SGCD: variants seen among roughly 807,000 people sequenced by gnomAD.
The protein encoded by SGCD is sarcoglycan delta, also known as delta-sarcoglycan.
Under a neutral mutation model 36.6 loss-of-function variants are expected in SGCD, and 18 were observed. That is an observed-to-expected ratio of 0.49 (90% confidence interval 0.34 to 0.73). The LOEUF (loss-of-function observed/expected upper bound fraction) is 0.73. Among genes scored for constraint, SGCD ranks in the 30% least tolerant of loss-of-function variants. The pLI is 0.01. For missense variants in SGCD, 387 were observed against 346.7 expected, an observed-to-expected ratio of 1.12 and a Z score of -0.92; for synonymous variants, 133 against 130.6, an observed-to-expected ratio of 1.02 and a Z score of -0.12.
chr5:156,329,705 A>C, intron 2 of SGCD, 126 bp downstream of exon 2: 1 of 872,100 alleles, frequency 1.1e-6, no homozygotes. Flanking sequence ...ACATTTCTTT[A>C]ATTTTACTTT....
intron 1 of SGCD, among the ~76,000 whole-genome samples, chr5:155,875,710 TG>T (rs1000819395): frequency 1.3e-5 from 2 of 152,034 alleles, no homozygotes. Context: ...AGTAACTGCC[TG>T]GGTCAGAGGC....
intron 1 of SGCD, among the ~76,000 whole-genome samples, chr5:156,099,767 A>G (rs1463200632): frequency 6.6e-6 from 1 of 152,134 alleles, no homozygotes; most frequent in Non-Finnish European, 1.5e-5. Flanking sequence ...GTAGATTCTC[A>G]GTAAAAACTT....
At chr5:156,346,954 C>T (rs1046316610) in intron 3 of SGCD, among the ~76,000 whole-genome samples, 9 of 151,844 alleles carry the variant, frequency 5.9e-5, no homozygotes, top group South Asian at 4.2e-4. Context: ...CGCACCACCA[C>T]GCCCAGCTAA....
At chr5:156,488,103 T>A (rs796926930) in intron 3 of SGCD, among the ~76,000 whole-genome samples, 24,016 of 117,624 alleles carry the variant, frequency 0.2, 2,405 homozygotes, top group African/African-American at 0.3. Context: ...GACAGGTTTT[T>A]TTTTTTTTTT....
chr5:156,149,727 C>T (rs552963851), intron 3 of SGCD, among the ~76,000 whole-genome samples: 2 of 151,924 alleles, frequency 1.3e-5, no homozygotes, highest in Non-Finnish European at 1.5e-5. Flanking sequence ...TGGGGAGGGT[C>T]GTGGGGCATG....
chr5:156,167,431 T>C (rs1218867099), intron 3 of SGCD, among the ~76,000 whole-genome samples: 1 of 152,164 alleles, frequency 6.6e-6, no homozygotes, highest in Non-Finnish European at 1.5e-5. Flanking sequence ...TAACACATGG[T>C]AGATGCTTGT....
intron 1 of SGCD, among the ~76,000 whole-genome samples, chr5:155,977,938 C>CA (rs1159250905): frequency 1.4e-4 from 21 of 151,882 alleles, no homozygotes; most frequent in African/African-American, 5.1e-4. Flanking sequence ...TACTAAAACA[C>CA]AAAAAACTAG....
intron 6 of SGCD, among the ~76,000 whole-genome samples, chr5:156,598,754 G>A (rs1761044129): frequency 6.6e-6 from 1 of 152,112 alleles, no homozygotes; most frequent in African/African-American, 2.4e-5. Context: ...AGACACTTTG[G>A]CTTAATCTTA....
intron 3 of SGCD, among the ~76,000 whole-genome samples, chr5:156,375,434 A>G (rs1270066446): frequency 6.9e-6 from 1 of 144,754 alleles, no homozygotes; most frequent in African/African-American, 2.6e-5. Context: ...TACTTGTTGA[A>G]GCATTAATGG....
upstream of SGCD, among the ~76,000 whole-genome samples, chr5:156,324,746 C>A (rs1412789674): frequency 6.9e-6 from 1 of 145,606 alleles, no homozygotes; most frequent in East Asian, 2.0e-4. Context: ...TTTAAAACTT[C>A]TTTTTTTTTT....
intron 3 of SGCD, among the ~76,000 whole-genome samples, chr5:156,390,743 A>AT (rs961231901): frequency 1.8e-4 from 27 of 152,188 alleles, no homozygotes; most frequent in African/African-American, 6.5e-4. Context: ...GGAAAAAAAA[A>AT]GTTTAATGCA....
At chr5:156,055,743 G>A (rs1433198526) in intron 1 of SGCD, among the ~76,000 whole-genome samples, 3 of 146,016 alleles carry the variant, frequency 2.1e-5, no homozygotes, top group South Asian at 2.2e-4. Context: ...ATATTTGTAG[G>A]ACTTAAATTA....
intron 2 of SGCD, among the ~76,000 whole-genome samples, chr5:156,120,779 G>A (rs184446684): frequency 1.3e-5 from 2 of 152,216 alleles, no homozygotes; most frequent in Admixed American, 1.3e-4. Context: ...AGATGCATTT[G>A]GATAGACTTG....
At chr5:156,263,936 G>A (rs1765935242) in intron 3 of SGCD, among the ~76,000 whole-genome samples, 1 of 151,984 alleles carries the variant, frequency 6.6e-6, no homozygotes. Flanking sequence ...TCTCTATTCT[G>A]TTGTGTTGTT....
chr5:156,596,683 CA>C (rs1161264567), intron 6 of SGCD, among the ~76,000 whole-genome samples: 1 of 152,104 alleles, frequency 6.6e-6, no homozygotes, highest in Non-Finnish European at 1.5e-5. Context: ...TCTCAGTACA[CA>C]TACATGTCTA....
intron 3 of SGCD, among the ~76,000 whole-genome samples, chr5:156,199,787 T>A (rs751313101): frequency 2.0e-5 from 3 of 152,120 alleles, no homozygotes; most frequent in Non-Finnish European, 4.4e-5. Flanking sequence ...GACATGTATT[T>A]GGTGCTTTAT....
intron 1 of SGCD, among the ~76,000 whole-genome samples, chr5:156,025,778 C>G (rs951303914): frequency 1.3e-5 from 2 of 152,116 alleles, no homozygotes; most frequent in Non-Finnish European, 2.9e-5. Context: ...ATCTCAATGT[C>G]GGGAAAGAGC....
At position 156,118,338 on chromosome 5, in the gene SGCD, A is replaced by C. The variant is rs564093246; in HGVS notation, c.-208+387A>C. Among the ~76,000 whole-genome samples the C allele has an allele frequency of 2.6e-5, 4 of 152,222 alleles. No homozygotes were observed. The South Asian group carries it at 8.3e-4, about 32-fold the overall frequency. On this transcript the variant is annotated intron_variant, in intron 2 of 9. Coordinates refer to the SGCD transcript ENST00000517913. ...ATTTAGGGAAATCATACATACTCTT[A>C]CTGTTTTGGCTAGGAATGGGGACCA...
chr5:156,083,479 G>C, intron 1 of SGCD, among the ~76,000 whole-genome samples: 1 of 151,522 alleles, frequency 6.6e-6, no homozygotes, highest in South Asian at 2.1e-4. Flanking sequence ...ATTTTTAGTA[G>C]AGGCAGGGTT....
Sources: allele counts gnomAD v4.1 joint callset (sites outside exome capture counted in the v4.1 genomes callset), GRCh38; gene constraint gnomAD v4.1.1; transcripts MANE v1.5; gene names NCBI Gene and HGNC (gene_info 2026-07-23, HGNC 2026-07-21).